Variants in RNLS observed in about 807,000 individuals in gnomAD.
RNLS encodes the protein renalase.
A neutral mutation model predicts 39.8 loss-of-function variants in RNLS; 39 were observed. The observed-to-expected ratio is 0.98, with a 90% CI of 0.76 to 1.28. The LOEUF (loss-of-function observed/expected upper bound fraction) is 1.28, where lower values mean the gene tolerates loss of function less well. Among genes scored for constraint, RNLS ranks in the 50% most tolerant of loss-of-function variants. The pLI, the probability that RNLS is intolerant of heterozygous loss-of-function variation, is 0.00. For missense variants in RNLS, 410 were observed against 413.3 expected, an observed-to-expected ratio of 0.99 and a Z score of 0.07; for synonymous variants, 147 against 150.7, an observed-to-expected ratio of 0.98 and a Z score of 0.18.
chr10:88,466,913 T>C (rs1843242641), intron 4 of RNLS, among the ~76,000 whole-genome samples: 1 of 152,180 alleles, frequency 6.6e-6, no homozygotes, highest in Non-Finnish European at 1.5e-5. Flanking sequence ...AAAACCTTCT[T>C]TTATTTTTAA....
intron 6 of RNLS, among the ~76,000 whole-genome samples, chr10:88,292,575 T>TAA (rs57247036): frequency 2.2e-5 from 3 of 136,260 alleles, no homozygotes; most frequent in Non-Finnish European, 1.6e-5. Context: ...TAACTCACAT[T>TAA]AAAAAAAAAA....
intron 4 of RNLS, among the ~76,000 whole-genome samples, chr10:88,366,547 A>G (rs1276815752): frequency 1.3e-5 from 2 of 151,408 alleles, no homozygotes; most frequent in African/African-American, 4.9e-5. Context: ...CTAGGTCCCA[A>G]TAGTCCAACC....
the RNLS span, among the ~76,000 whole-genome samples, chr10:88,199,864 C>T: frequency 6.6e-6 from 1 of 152,194 alleles, no homozygotes; most frequent in Non-Finnish European, 1.5e-5. Context: ...AGTGGTGGCT[C>T]ATGCCTGTAA....
At chr10:88,332,265 G>C (rs767281294) in intron 5 of RNLS, among the ~76,000 whole-genome samples, 36 of 152,144 alleles carry the variant, frequency 2.4e-4, no homozygotes, top group Non-Finnish European at 4.7e-4. Flanking sequence ...TCTACGGCAG[G>C]GACTTTTGTA....
the RNLS span, among the ~76,000 whole-genome samples, chr10:88,180,951 A>G: frequency 6.6e-6 from 1 of 152,318 alleles, no homozygotes; most frequent in African/African-American, 2.4e-5. Flanking sequence ...ATTTAAGTTC[A>G]TGCATATTCC....
chr10:88,188,077 A>G, the RNLS span, among the ~76,000 whole-genome samples: 17 of 151,482 alleles, frequency 1.1e-4, no homozygotes, highest in Non-Finnish European at 2.5e-4. Context: ...TTTTTTTTTG[A>G]GATGGAGTCT....
chr10:88,258,094 G>A, the RNLS span, among the ~76,000 whole-genome samples: 31 of 152,218 alleles, frequency 2.0e-4, no homozygotes, highest in South Asian at 1.0e-3. Flanking sequence ...CAGTTTCCTC[G>A]TCTCTGAGAA....
intron 4 of RNLS, among the ~76,000 whole-genome samples, chr10:88,462,679 C>T (rs1467036225): frequency 2.6e-5 from 4 of 151,790 alleles, no homozygotes; most frequent in Non-Finnish European, 5.9e-5. Flanking sequence ...ATTGTGGAAG[C>T]AGAGAAAAGG....
chr10:88,508,141 G>A (rs369020367), intron 4 of RNLS, among the ~76,000 whole-genome samples: 1 of 152,092 alleles, frequency 6.6e-6, no homozygotes, highest in East Asian at 1.9e-4. Flanking sequence ...TGCTGGACTT[G>A]GGAAAAATAA....
At chr10:88,283,970 T>C (rs1843116204), downstream of RNLS, 1 of 244,250 alleles carries the variant, frequency 4.1e-6, no homozygotes, top group African/African-American at 2.3e-5. Context: ...ATTTAAAAAA[T>C]ATAAATAAAG....
chr10:88,318,351 A>G (rs911884467), intron 5 of RNLS, among the ~76,000 whole-genome samples: 3 of 152,196 alleles, frequency 2.0e-5, no homozygotes, highest in East Asian at 1.9e-4. Flanking sequence ...AGTGGCACCA[A>G]TCGGTGAAGG....
chr10:88,578,433 G>C (rs1354050030), intron 3 of RNLS, among the ~76,000 whole-genome samples: 1 of 152,078 alleles, frequency 6.6e-6, no homozygotes, highest in Non-Finnish European at 1.5e-5. Context: ...TTATAGAATA[G>C]AAAGGTTAAA....
chr10:88,381,487 A>T (rs997314077), intron 4 of RNLS, among the ~76,000 whole-genome samples: 2 of 121,468 alleles, frequency 1.6e-5, no homozygotes, highest in Admixed American at 8.2e-5. Flanking sequence ...ATGTGTATTT[A>T]TATATATATA....
At chr10:88,575,335 C>A (rs1238796954) in intron 3 of RNLS, among the ~76,000 whole-genome samples, 2 of 150,532 alleles carry the variant, frequency 1.3e-5, no homozygotes, top group Non-Finnish European at 3.0e-5. Context: ...ACCAGCAGCA[C>A]CTATGTACTA....
At chr10:88,550,215 T>C (rs2134331932) in intron 4 of RNLS, among the ~76,000 whole-genome samples, 1 of 152,330 alleles carries the variant, frequency 6.6e-6, no homozygotes, top group East Asian at 1.9e-4. Flanking sequence ...CTGCTAGACA[T>C]TAAAGATATT....
chr10:88,273,577 T>C (rs1232191262), downstream of RNLS, among the ~76,000 whole-genome samples: 1 of 152,238 alleles, frequency 6.6e-6, no homozygotes, highest in Admixed American at 6.5e-5. Context: ...TTCAGCCATT[T>C]CCTGTTAGTG....
At chr10:88,551,512 T>C (rs963054629) in intron 4 of RNLS, among the ~76,000 whole-genome samples, 4 of 152,208 alleles carry the variant, frequency 2.6e-5, no homozygotes, top group African/African-American at 7.2e-5. Context: ...AATGACATCA[T>C]TGGGCATATG....
chr10:88,483,896 T>C (rs1349554443), intron 4 of RNLS, among the ~76,000 whole-genome samples: 3 of 152,134 alleles, frequency 2.0e-5, no homozygotes, highest in African/African-American at 7.2e-5. Flanking sequence ...TTGAAAATTA[T>C]TTAGTGAATA....
the RNLS span, among the ~76,000 whole-genome samples, chr10:88,176,305 G>T: frequency 6.6e-6 from 1 of 152,018 alleles, no homozygotes; most frequent in East Asian, 1.9e-4. Context: ...CTCCCAAGTA[G>T]CTGGGACTAC....
Sources: gnomAD v4.1 joint callset for allele counts (sites outside exome capture counted in the v4.1 genomes callset) on GRCh38, gnomAD v4.1.1 for gene constraint, MANE v1.5 for transcripts, NCBI Gene and HGNC (gene_info 2026-07-23, HGNC 2026-07-21) for gene names.